LRP3: variants seen among roughly 807,000 people sequenced by gnomAD.
LRP3 encodes low-density lipoprotein receptor-related protein 3.
A neutral mutation model predicts 58.5 loss-of-function variants in LRP3; 49 were observed. The observed-to-expected ratio is 0.84, with a 90% CI of 0.67 to 1.06. The LOEUF (loss-of-function observed/expected upper bound fraction) is 1.06, where lower values mean the gene tolerates loss of function less well. Among genes scored for constraint, LRP3 ranks in the 50% least tolerant of loss-of-function variants. The pLI is 0.00. For missense variants in LRP3, 1,019 were observed against 1,134.2 expected, an observed-to-expected ratio of 0.90 and a Z score of 1.46; for synonymous variants, 485 against 492.2, an observed-to-expected ratio of 0.99 and a Z score of 0.20.
chr19:33,203,324 ATG>A (rs34666491), intron 3 of LRP3, among the ~76,000 whole-genome samples: 1,699 of 140,050 alleles, frequency 0.012, 20 homozygotes, highest in African/African-American at 0.037. Context: ...GTGTGTGCAT[ATG>A]TGTGTGTGTG....
At chr19:33,206,965 C>T in intron 6 of LRP3, 23 bp from the exon 7 acceptor site, 1 of 1,449,354 alleles carries the variant, frequency 6.9e-7, no homozygotes, top group East Asian at 2.5e-5. Context: ...ATCCCCCCGC[C>T]CCTACCCTGC....
In LRP3 at chr19:33,206,021, G is replaced by A. The variant is rs564714121; in HGVS notation, c.1251G>A (p.Pro417=). ...ACGAGCAGGGCTGCCCTGCCTGCCC[G>A]CCCGACCAGTACCCCTGCGAGGGTG... ...GRDEQGCPAC[P]PDQYPCEGGS... The change falls in exon 5 of 7, where the codon CCG becomes CCA. Residue 417 remains proline (P), a synonymous_variant. Transcript: ENST00000253193. The A allele has an allele frequency of 8.1e-5, 129 of 1,584,428 alleles. No homozygotes were observed. Among genetic ancestry groups the A allele is most frequent in the African/African-American group, 2.0e-4 (15 of 74,562 alleles).
rs757334202 is a variant in LRP3, at chr19:33,207,265, C to G, written c.2003C>G (p.Pro668Arg). Residue 668 changes from proline (P) to arginine (R), a missense_variant, in exon 7 of 7, where the codon CCC becomes CGC. Transcript: ENST00000253193. ...ACCAGGGCGGCCGGAGACAGGCCCC[C>G]CAGTGCCCCCGGCCGTGCACCGGAG... ...GSTRAAGDRP[P>R]SAPGRAPEVG... 104 of 1,552,484 alleles carry G rather than the reference C, an allele frequency of 6.7e-5. No individual in the cohort carries two copies. The South Asian group carries it at 1.2e-3, about 17-fold the overall frequency.
intron 2 of LRP3, among the ~76,000 whole-genome samples, chr19:33,201,650 A>T (rs1974342683): frequency 6.6e-6 from 1 of 152,040 alleles, no homozygotes; most frequent in Admixed American, 6.6e-5. Context: ...GGGCTCGGGA[A>T]AGGGGTCGTC....
Position 33,205,893 on chromosome 19 carries a change from T to C in LRP3, c.1123T>C (p.Cys375Arg). The C allele has an allele frequency of 6.2e-7, 1 of 1,607,262 alleles. No homozygotes were observed. Reference protein sequence around the residue: ...KGYCLPWEQPCGSSSDSDGGS... With the variant: ...KGYCLPWEQPRGSSSDSDGGS... ...CTATTGCCTCCCCTGGGAGCAGCCG[T>C]GCGGGAGCAGTAGTGACAGTGACGG... The change falls in exon 5 of 7, where the codon TGC (cysteine) becomes CGC (arginine). Residue 375 changes from cysteine to arginine, a missense_variant. By Grantham distance (180) the Cys-to-Arg change is radical. Around this residue, in one of 2 missense-constraint regions of LRP3, gnomAD observed 592 missense variants for 725.5 expected, o/e 0.82. Coordinates refer to ENST00000253193, the MANE Select transcript of LRP3 (RefSeq NM_002333.4).
At chr19:33,194,959 C>G in intron 1 of LRP3, 101 bp downstream of exon 1, 1 of 527,582 alleles carries the variant, frequency 1.9e-6, no homozygotes, top group Non-Finnish European at 2.6e-6. Flanking sequence ...CCCGAGCCCC[C>G]CACCGCGGTG....
intron 2 of LRP3, among the ~76,000 whole-genome samples, chr19:33,197,090 C>T (rs988256083): frequency 6.6e-6 from 1 of 152,148 alleles, no homozygotes; most frequent in African/African-American, 2.4e-5. Flanking sequence ...GCCGAGGGTC[C>T]CGTGGAATTG....
chr19:33,206,156 C>T lies in LRP3; in HGVS notation c.1386C>T (p.Cys462=), dbSNP rs368803168. The T allele has an allele frequency of 3.8e-5, 61 of 1,600,860 alleles. No homozygotes were observed. Among genetic ancestry groups the T allele is most frequent in the East Asian group, 6.7e-5 (3 of 44,532 alleles). The part of the protein sequence containing the change: ...CFSCQPGTFH[C]GTNLCIFETW... ...CCTGCCAGCCCGGCACCTTCCACTG[C>T]GGTACCAACCTGTGCATCTTCGAGA... The change falls in exon 5 of 7, where the codon TGC becomes TGT. Residue 462 remains cysteine, a synonymous_variant. Transcript: ENST00000253193.
rs561922315 is a variant in LRP3, at chr19:33,208,514, G to A, written c.*939G>A. 25 of 311,554 alleles carry A rather than the reference G, an allele frequency of 8.0e-5. No individual in the cohort carries two copies. The highest frequency in any genetic ancestry group is 5.0e-4 in the African/African-American group (23 of 45,934). 19.3% of individuals were successfully genotyped at this position (311,554 alleles called of 1,614,324 possible). ...GACTCTGGGTGCCATGGTAGGGAGC[G>A]CCTGTGTCAAGCAGCAAAGCCCCCT... On this transcript the variant is annotated 3_prime_UTR_variant, in exon 7 of 7. Coordinates refer to ENST00000253193, the MANE Select transcript of LRP3 (RefSeq NM_002333.4). The surrounding 1 kb of genome is among the most constrained non-coding windows in gnomAD (Gnocchi z 4.7).
At chr19:33,196,980 A>G (rs999089947) in intron 2 of LRP3, among the ~76,000 whole-genome samples, 1 of 152,170 alleles carries the variant, frequency 6.6e-6, no homozygotes, top group Admixed American at 6.5e-5. Context: ...GTGAAATAAC[A>G]AGGTCTACTC....
At chr19:33,198,481 C>T (rs1974308119) in intron 2 of LRP3, among the ~76,000 whole-genome samples, 1 of 152,168 alleles carries the variant, frequency 6.6e-6, no homozygotes, top group African/African-American at 2.4e-5. Flanking sequence ...GCCCAAGGTA[C>T]CCACCTCCCA....
chr19:33,201,927 C>T (rs1204099824), intron 2 of LRP3, among the ~76,000 whole-genome samples: 1 of 152,178 alleles, frequency 6.6e-6, no homozygotes, highest in East Asian at 1.9e-4. Flanking sequence ...ATGGAGGGCT[C>T]CTCCTTTGAG....
rs747058576 is a variant in LRP3 at position 33,205,445 on chromosome 19, G to A, written c.675G>A (p.Thr225=). 40 of 1,587,504 alleles carry A rather than the reference G, an allele frequency of 2.5e-5. No homozygotes were observed. The East Asian group carries it at 3.2e-4, about 13-fold the overall frequency. ...GTFPCSGARS[T]RCLPVERRCD... ...TCCCATGCAGCGGGGCGCGCTCCAC[G>A]CGCTGCCTGCCTGTGGAGCGGCGCT... The change falls in exon 5 of 7, where the codon ACG becomes ACA. Residue 225 remains threonine, a synonymous_variant. Coordinates refer to ENST00000253193, the MANE Select transcript of LRP3 (RefSeq NM_002333.4).
Position 33,208,758 on chromosome 19 carries a change from T to TA in LRP3, c.*1186dup, listed in dbSNP as rs57394649. ...CCCAGTCCACATTTTAGGGCTTCCT[T>TA]AAACAGGCTTCTGAGAGTCGTATCT... On this transcript the variant is annotated 3_prime_UTR_variant, in exon 7 of 7. Coordinates refer to ENST00000253193, the MANE Select transcript of LRP3 (RefSeq NM_002333.4). This position sits in a 1 kb window ranked among gnomAD's most constrained non-coding sequence, Gnocchi z 4.7. The TA allele has an allele frequency of 0.85, 1,075,815 of 1,259,696 alleles. 465,288 individuals are homozygous for TA. The highest frequency in any genetic ancestry group is 0.89 in the Non-Finnish European group (791,826 of 890,978). The allele number at this position is 1,259,696 out of a possible 1,614,324, so 78.0% of individuals were successfully genotyped here.
intron 1 of LRP3, 88 bp downstream of exon 1, chr19:33,194,946 C>A: frequency 1.6e-6 from 1 of 634,046 alleles, no homozygotes; most frequent in Non-Finnish European, 2.1e-6. Flanking sequence ...CCGGCCGCGG[C>A]ATCCCGAGCC....
Position 33,207,534 on chromosome 19 carries a change from A to G in LRP3, c.2272A>G (p.Met758Val), listed in dbSNP as rs370980315. ...GAACCCCCCGCCCCCCTGCTCCCCA[A>G]TGCTGGAGGCCAGCGATGATGAGGC... ...CRNPPPPCSP[M>V]LEASDDEALL... is the part of the protein sequence containing the mutation. The change falls in exon 7 of 7, where the codon ATG becomes GTG. Residue 758 changes from methionine (M) to valine (V), a missense_variant. Transcript: ENST00000253193. 76 of 1,605,920 alleles carry G rather than the reference A, an allele frequency of 4.7e-5. No individual in the cohort carries two copies. Among genetic ancestry groups the G allele is most frequent in the South Asian group, 3.7e-4 (34 of 91,000 alleles).
intron 2 of LRP3, among the ~76,000 whole-genome samples, chr19:33,198,334 G>A (rs983286540): frequency 6.6e-6 from 1 of 152,182 alleles, no homozygotes; most frequent in Non-Finnish European, 1.5e-5. Flanking sequence ...AAACTCCAAC[G>A]GCTGCTGTTC....
chr19:33,195,457 C>G (rs1006590791), intron 1 of LRP3, among the ~76,000 whole-genome samples: 1 of 152,196 alleles, frequency 6.6e-6, no homozygotes, highest in African/African-American at 2.4e-5. Flanking sequence ...CCGCCCTGTC[C>G]GGGAGTTTTT....
chr19:33,206,408 C>T, intron 5 of LRP3, 46 bp downstream of exon 5: 1 of 1,599,660 alleles, frequency 6.3e-7, no homozygotes, highest in South Asian at 1.1e-5. Context: ...CTTCATCACC[C>T]AGGCTTGCTG....
Sources: gnomAD v4.1 joint callset for allele counts (sites outside exome capture counted in the v4.1 genomes callset) on GRCh38, gnomAD v4.1.1 for gene constraint, gnomAD v4.1.1 regional missense constraint, Gnocchi (gnomAD v3.1) non-coding constraint, MANE v1.5 for transcripts, NCBI Gene and HGNC (gene_info 2026-07-23, HGNC 2026-07-21) for gene names.